Variants in KIF1A observed in about 807,000 individuals in gnomAD.
KIF1A encodes the protein kinesin-like protein KIF1A.
KIF1A carries 46 observed loss-of-function variants against 227.3 expected under a neutral mutation model. The observed-to-expected ratio is 0.20, with a 90% CI of 0.16 to 0.26. KIF1A has a LOEUF of 0.26. KIF1A is among the 10% of genes least tolerant of loss of function. The pLI is 1.00. For synonymous variants in KIF1A, 1,022 were observed against 1,012.8 expected, an observed-to-expected ratio of 1.01 and a Z score of -0.17; for missense variants, 1,683 against 2,485.9, an observed-to-expected ratio of 0.68 and a Z score of 6.87.
chr2:240,817,694 C>T (rs920924776), intron 1 of KIF1A, among the ~76,000 whole-genome samples: 2 of 152,224 alleles, frequency 1.3e-5, no homozygotes, highest in Non-Finnish European at 2.9e-5. Context: ...GTCCCCACCA[C>T]ACCCAGTTCA....
Position 240,766,909 on chromosome 2 carries a change from T to C in KIF1A, c.1684+6A>G. The C allele has an allele frequency of 6.3e-7, 1 of 1,596,132 alleles. No homozygotes were observed. Among genetic ancestry groups the C allele is most frequent in the East Asian group, 2.3e-5 (1 of 44,410 alleles). ...GGTGCGGGTAGGGACGGTAGGGTGG[T>C]GATACCTTCGCTGCCTCCCCTGGAG... On this transcript the variant is annotated splice_donor_region_variant and intron_variant, in intron 19 of 48. Transcript: ENST00000498729. The surrounding 1 kb of genome is among the most constrained non-coding windows in gnomAD (Gnocchi z 5.0).
Position 240,763,182 on chromosome 2 carries a change from G to A in KIF1A, c.1933C>T (p.Gln645Ter). ...CCGCCTCACCTCTGCTCCATCTCCTGCTTCATGTCGATGCCCTGCTTCTCC... is the reference window on the plus strand; with the variant it reads ...CCGCCTCACCTCTGCTCCATCTCCTACTTCATGTCGATGCCCTGCTTCTCC... Reference protein sequence around the residue: ...LLEKQGIDMKQEMEQRLQELE... With the variant: ...LLEKQGIDMK The change falls in exon 21 of 49, where the codon CAG (glutamine) becomes TAG (stop). Residue 645 changes from glutamine (Q) to a stop codon, truncating the protein, a stop_gained. Transcript: ENST00000498729. LOFTEE classifies it high-confidence loss of function. The A allele has an allele frequency of 6.2e-7, 1 of 1,611,476 alleles. No individual in the cohort carries two copies. The highest frequency in any genetic ancestry group is 8.5e-7 in the Non-Finnish European group (1 of 1,179,728).
At position 240,807,118 on chromosome 2, in the gene KIF1A, G is replaced by GTGTA. The variant is rs1553641844; in HGVS notation, c.-60-9307_-60-9306insTACA. 4.4e-5 allele frequency among the ~76,000 whole-genome samples: 6 copies of GTGTA among 135,636 alleles called. No homozygotes were observed. In the South Asian group the frequency reaches 1.2e-3, roughly 27 times the overall value. 89.0% of individuals were successfully genotyped at this position (135,636 alleles called of 152,430 possible). ...TGTGTGTGTGTGTGTGTGTGTGTGT[G>GTGTA]TGTGTGTGTGTGTATATATATATAT... On this transcript the variant is annotated intron_variant, in intron 1 of 48. Coordinates refer to ENST00000498729, the MANE Select transcript of KIF1A (RefSeq NM_001244008.2).
rs1295613880 is a variant in KIF1A, at chr2:240,778,851, C to T, written c.883-2925G>A. On this transcript the variant is annotated intron_variant, in intron 10 of 48. Coordinates refer to ENST00000498729, the MANE Select transcript of KIF1A (RefSeq NM_001244008.2). This position sits in a 1 kb window ranked among gnomAD's most constrained non-coding sequence, Gnocchi z 7.2. ...GCCATGGCTCACACACTTCCTCACA[C>T]GTTCCTCACACAACCCTTCACGCCA... Among the ~76,000 whole-genome samples, 2 of 152,070 alleles carry T rather than the reference C, an allele frequency of 1.3e-5. No individual in the cohort carries two copies. Among genetic ancestry groups the T allele is most frequent in the East Asian group, 3.9e-4 (2 of 5,186 alleles).
intron 28 of KIF1A, 122 bp downstream of exon 28, chr2:240,750,306 CA>C: frequency 1.5e-6 from 1 of 680,254 alleles, no homozygotes; most frequent in Non-Finnish European, 2.5e-6. Context: ...CAGCTGAGGC[CA>C]GCTTCCCACT....
Position 240,725,167 on chromosome 2 carries a change from G to A in KIF1A, c.4256+104C>T. On this transcript the variant is annotated intron_variant, in intron 40 of 48. Transcript: ENST00000498729. This position sits in a 1 kb window ranked among gnomAD's most constrained non-coding sequence, Gnocchi z 5.8. ...GGAGTGTGGCTGGGCCTCGCACAGG[G>A]TGAGCTGCCGGGTGGCCCAAGGACC... 7.9e-7 allele frequency: 1 copy of A among 1,272,388 alleles called. No homozygotes were observed. Among genetic ancestry groups the A allele is most frequent in the African/African-American group, 1.5e-5 (1 of 66,336 alleles). 78.8% of individuals were successfully genotyped at this position (1,272,388 alleles called of 1,614,324 possible).
Position 240,791,695 on chromosome 2 carries a change from A to T in KIF1A, c.107-2383T>A, listed in dbSNP as rs115409570. Reference sequence around the variant, plus strand: ...ACACCCCACATGGGCCATGAGCTCCATGAGGTGGGGGCCCTCTGGGACAGG... The same window carrying T: ...ACACCCCACATGGGCCATGAGCTCCTTGAGGTGGGGGCCCTCTGGGACAGG... On this transcript the variant is annotated intron_variant, in intron 2 of 48. Coordinates refer to ENST00000498729, the MANE Select transcript of KIF1A (RefSeq NM_001244008.2). Among the ~76,000 whole-genome samples, 1,286 of 152,088 alleles carry T rather than the reference A, an allele frequency of 8.5e-3. 10 individuals are homozygous for T. Among genetic ancestry groups the T allele is most frequent in the Non-Finnish European group, 0.014 (974 of 67,952 alleles).
At chr2:240,783,717 C>A in intron 8 of KIF1A, 22 bp downstream of exon 8, 1 of 1,549,458 alleles carries the variant, frequency 6.5e-7, no homozygotes, top group East Asian at 2.4e-5. Flanking sequence ...CACGGGTCCC[C>A]GCATGGCGGC....
rs76732980 is a variant in KIF1A, at chr2:240,806,375, T to C, written c.-60-8563A>G. ...ACAAAAAGACTGGGCCGTTGTAATC[T>C]GAACAATTCTCAAAACTCACACAAG... On this transcript the variant is annotated intron_variant, in intron 1 of 48. Coordinates refer to ENST00000498729, the MANE Select transcript of KIF1A (RefSeq NM_001244008.2). Among the ~76,000 whole-genome samples the C allele has an allele frequency of 1.6e-4, 24 of 152,356 alleles. No individual in the cohort carries two copies. The East Asian group carries it at 3.1e-3, about 20-fold the overall frequency.
Position 240,717,422 on chromosome 2 carries a change from G to A in KIF1A, c.5334-16C>T, listed in dbSNP as rs777787746. On this transcript the variant is annotated splice_polypyrimidine_tract_variant and intron_variant, in intron 48 of 48. Coordinates refer to ENST00000498729, the MANE Select transcript of KIF1A (RefSeq NM_001244008.2). ...GAGCTTGGACCTGCAGAAGAGTTGG[G>A]AGAGGCGGCGTGGTCAGGCCAGGAA... The A allele has an allele frequency of 5.0e-6, 8 of 1,609,836 alleles. No homozygotes were observed. The South Asian group carries it at 6.6e-5, about 13-fold the overall frequency.
chr2:240,771,214 A>C, intron 14 of KIF1A, 110 bp from the exon 15 acceptor site: 10 of 1,268,534 alleles, frequency 7.9e-6, no homozygotes, highest in Non-Finnish European at 1.1e-5. Flanking sequence ...GCAGACAGAC[A>C]GAGGGAGGGA....
At chr2:240,759,004 C>CACCTAGGGTGCCCCT (rs2050187837) in intron 25 of KIF1A, among the ~76,000 whole-genome samples, 1 of 152,118 alleles carries the variant, frequency 6.6e-6, no homozygotes, top group African/African-American at 2.4e-5. Context: ...CCCTAGATCT[C>CACCTAGGGTGCCCCT]AGGTATAAGA....
rs769486291 is a variant in KIF1A at position 240,792,521 on chromosome 2, G to C, written c.107-3209C>G. Among the ~76,000 whole-genome samples, 17 of 152,106 alleles carry C rather than the reference G, an allele frequency of 1.1e-4. No homozygotes were observed. Among genetic ancestry groups the C allele is most frequent in the Non-Finnish European group, 2.2e-4 (15 of 68,004 alleles). On this transcript the variant is annotated intron_variant, in intron 2 of 48. Coordinates refer to ENST00000498729, the MANE Select transcript of KIF1A (RefSeq NM_001244008.2). This position sits in a 1 kb window ranked among gnomAD's most constrained non-coding sequence, Gnocchi z 4.5. ...GGACACCGAGACGACAGAGACAGCGGGGGGAGGGTTGGGGTGAGGAGTGGG... is the reference window on the plus strand; with the variant it reads ...GGACACCGAGACGACAGAGACAGCGCGGGGAGGGTTGGGGTGAGGAGTGGG...
intron 32 of KIF1A, among the ~76,000 whole-genome samples, chr2:240,744,409 G>T (rs2048352937): frequency 6.6e-6 from 1 of 152,242 alleles, no homozygotes; most frequent in African/African-American, 2.4e-5. Context: ...CTCAGCAAGA[G>T]TTATGGGTTG....
chr2:240,743,227 G>A (rs149133574), intron 33 of KIF1A, among the ~76,000 whole-genome samples: 2,525 of 152,312 alleles, frequency 0.017, 29 homozygotes, highest in South Asian at 0.029. Flanking sequence ...GAGTCCCTCA[G>A]GCACTCGCGA....
chr2:240,719,282 G>A, intron 46 of KIF1A, 84 bp from the exon 47 acceptor site: 1 of 1,463,924 alleles, frequency 6.8e-7, no homozygotes, highest in Non-Finnish European at 9.2e-7. Flanking sequence ...ACCCAGAGCT[G>A]GGACGCAGCA....
At chr2:240,723,336 C>A in intron 42 of KIF1A, 77 bp downstream of exon 42, 1 of 1,397,624 alleles carries the variant, frequency 7.2e-7, no homozygotes, top group Non-Finnish European at 9.6e-7. Context: ...AGGCCCTGGG[C>A]CCTCTCCAGC....
intron 1 of KIF1A, among the ~76,000 whole-genome samples, chr2:240,812,898 G>A (rs956800489): frequency 5.5e-3 from 160 of 28,994 alleles, no homozygotes; most frequent in South Asian, 9.6e-3. Context: ...CCTTCACCTC[G>A]GGGATCCGCC....
chr2:240,819,799 G>T (rs1435888752), intron 1 of KIF1A, among the ~76,000 whole-genome samples: 3 of 152,220 alleles, frequency 2.0e-5, no homozygotes, highest in Non-Finnish European at 2.9e-5. Context: ...CGCCGGCCGG[G>T]CGAGCCCTCC....
Sources: allele counts gnomAD v4.1 joint callset (sites outside exome capture counted in the v4.1 genomes callset), GRCh38; gene constraint gnomAD v4.1.1; non-coding constraint Gnocchi (gnomAD v3.1); transcripts MANE v1.5; gene names NCBI Gene and HGNC (gene_info 2026-07-23, HGNC 2026-07-21).